The following PTPRR variants were observed in gnomAD, a reference collection of about 807,000 sequenced individuals.
PTPRR encodes the protein protein tyrosine phosphatase receptor type R, also known as receptor-type tyrosine-protein phosphatase R.
In PTPRR, 38 loss-of-function variants were observed where a neutral mutation model predicts 77.2. That is an observed-to-expected ratio of 0.49 (90% CI 0.38 to 0.65). The LOEUF (loss-of-function observed/expected upper bound fraction) is 0.65. Among genes scored for constraint, PTPRR ranks in the 30% least tolerant of loss-of-function variants. The pLI is 0.00. For synonymous variants in PTPRR, 299 were observed against 283.1 expected, an observed-to-expected ratio of 1.06 and a Z score of -0.57; for missense variants, 744 against 799.2, an observed-to-expected ratio of 0.93 and a Z score of 0.83.
At position 70,881,695 on chromosome 12, in the gene PTPRR, T is replaced by A. The variant is rs866868810; in HGVS notation, c.357+10984A>T. Among the ~76,000 whole-genome samples, 24 of 152,316 alleles carry A rather than the reference T, an allele frequency of 1.6e-4. No homozygotes were observed. In the Middle Eastern group the frequency reaches 0.01, roughly 65 times the overall value. ...AGATATGAATATTGGCTGGATTATA[T>A]TTTCATCCTTCAAAAACAAAATTTA... is the stretch of plus-strand genomic sequence containing the variant. On this transcript the variant is annotated intron_variant, in intron 2 of 13. Transcript: ENST00000283228.
chr12:70,890,025 T>C (rs1476579292), intron 2 of PTPRR, among the ~76,000 whole-genome samples: 2 of 152,280 alleles, frequency 1.3e-5, no homozygotes, highest in South Asian at 2.1e-4. Context: ...ATTCCACCAT[T>C]TTCACTTGCA....
rs1890692973 is a variant in PTPRR at position 70,761,604 on chromosome 12, A to G, written c.494T>C (p.Leu165Pro). 6.3e-7 allele frequency: 1 copy of G among 1,595,470 alleles called. No individual in the cohort carries two copies. Among genetic ancestry groups the G allele is most frequent in the Non-Finnish European group, 8.5e-7 (1 of 1,172,084 alleles). Residue 165 changes from leucine to proline, a missense_variant, in exon 4 of 14, where the codon CTG (leucine) becomes CCG (proline). Transcript: ENST00000283228. ...TTTTCGGTTTATGGGAGACACAAAC[A>G]GTTCAATACTGTTCTTCTTTCCCTA... ...RLIGKKNSIE[L>P]FVSPINRKTG...
At chr12:70,694,362 G>T (rs1888156538) in intron 8 of PTPRR, among the ~76,000 whole-genome samples, 1 of 151,904 alleles carries the variant, frequency 6.6e-6, no homozygotes, top group Admixed American at 6.6e-5. Flanking sequence ...TATTATTATA[G>T]TGCAGCACTA....
rs143271127 is a variant in PTPRR, at chr12:70,848,928, A to G, written c.357+43751T>C. ...TTGGGAATTATTAAAGTTTTCACAA[A>G]TAATTTTTTAATATAGATAATTTCT... On this transcript the variant is annotated intron_variant, in intron 2 of 13. Transcript: ENST00000283228. Among the ~76,000 whole-genome samples the G allele has an allele frequency of 7.4e-3, 1,122 of 152,340 alleles. 6 individuals are homozygous for G. Among genetic ancestry groups the G allele is most frequent in the Non-Finnish European group, 0.011 (769 of 68,030 alleles).
chr12:70,737,390 T>C (rs1889897470), intron 6 of PTPRR, among the ~76,000 whole-genome samples: 2 of 152,048 alleles, frequency 1.3e-5, no homozygotes, highest in African/African-American at 4.8e-5. Flanking sequence ...TTACAGAACC[T>C]CACCAAAGAC....
intron 1 of PTPRR, among the ~76,000 whole-genome samples, chr12:70,901,870 A>G (rs1157075146): frequency 6.6e-6 from 1 of 151,722 alleles, no homozygotes; most frequent in African/African-American, 2.4e-5. Flanking sequence ...AATCTATTCT[A>G]TTTTTAGTTT....
intron 2 of PTPRR, among the ~76,000 whole-genome samples, chr12:70,867,120 A>C (rs1191217902): frequency 6.7e-6 from 1 of 149,714 alleles, no homozygotes; most frequent in East Asian, 2.0e-4. Context: ...TTCCCTTTGA[A>C]AACTGGCACA....
chr12:70,888,018 A>ATGGGTGTGTGTGTC (rs1555183042), intron 2 of PTPRR, among the ~76,000 whole-genome samples: 1 of 150,868 alleles, frequency 6.6e-6, no homozygotes, highest in Admixed American at 6.6e-5. Flanking sequence ...GAATGTGTGT[A>ATGGGTGTGTGTGTC]TGTGTGTGTG....
chr12:70,728,857 T>C (rs1331513743), intron 6 of PTPRR, among the ~76,000 whole-genome samples: 1 of 152,068 alleles, frequency 6.6e-6, no homozygotes, highest in Non-Finnish European at 1.5e-5. Context: ...GTAATGAATA[T>C]GGCTATAGGA....
intron 13 of PTPRR, 111 bp from the exon 14 acceptor site, chr12:70,639,388 C>A: frequency 7.1e-7 from 1 of 1,411,406 alleles, no homozygotes; most frequent in Non-Finnish European, 9.6e-7. Context: ...ATAGAACAGT[C>A]GACCTAGTGG....
chr12:70,722,389 C>T (rs1483025459), intron 6 of PTPRR, among the ~76,000 whole-genome samples: 1 of 152,124 alleles, frequency 6.6e-6, no homozygotes, highest in Non-Finnish European at 1.5e-5. Flanking sequence ...TGTCACTAGA[C>T]CTGATAAAAT....
chr12:70,882,890 T>G (rs7956564), intron 2 of PTPRR, among the ~76,000 whole-genome samples: 18,530 of 152,234 alleles, frequency 0.12, 2,097 homozygotes, highest in African/African-American at 0.3. Flanking sequence ...TGTTCACTAT[T>G]CACTAGGTGA....
chr12:70,804,685 T>C (rs573373489), intron 2 of PTPRR, among the ~76,000 whole-genome samples: 3 of 152,272 alleles, frequency 2.0e-5, no homozygotes, highest in Non-Finnish European at 4.4e-5. Flanking sequence ...CACAAGAAGT[T>C]AAGGACAGAA....
intron 6 of PTPRR, among the ~76,000 whole-genome samples, chr12:70,742,822 C>T (rs1314462416): frequency 1.3e-5 from 2 of 151,582 alleles, no homozygotes; most frequent in African/African-American, 2.4e-5. Flanking sequence ...TCATAATGTT[C>T]GGCTATATGG....
At chr12:70,838,864 C>T (rs921858746) in intron 2 of PTPRR, among the ~76,000 whole-genome samples, 10 of 152,044 alleles carry the variant, frequency 6.6e-5, no homozygotes, top group Non-Finnish European at 8.8e-5. Context: ...CTCTGTGGAC[C>T]CAGATTGCTA....
intron 10 of PTPRR, among the ~76,000 whole-genome samples, chr12:70,677,537 T>C (rs1440877724): frequency 2.6e-5 from 4 of 152,054 alleles, no homozygotes; most frequent in South Asian, 2.1e-4. Flanking sequence ...ATGATGTTTG[T>C]TGTGGGCTTG....
At chr12:70,695,054 T>C (rs561994351) in intron 8 of PTPRR, among the ~76,000 whole-genome samples, 1 of 152,302 alleles carries the variant, frequency 6.6e-6, no homozygotes, top group South Asian at 2.1e-4. Context: ...TCAGCCAAGA[T>C]AACACTGTCA....
rs61539990 is a variant in PTPRR, at chr12:70,821,213, CTTTTTTTTTTTT to C, written c.358-56447_358-56436del. Among the ~76,000 whole-genome samples the C allele has an allele frequency of 4.6e-3, 146 of 31,992 alleles. 5 individuals carry two copies. The highest frequency in any genetic ancestry group is 7.9e-3 in the Non-Finnish European group (129 of 16,360). 21.0% of individuals were successfully genotyped at this position (31,992 alleles called of 152,430 possible). On this transcript the variant is annotated intron_variant, in intron 2 of 13. Coordinates refer to ENST00000283228, the MANE Select transcript of PTPRR (RefSeq NM_002849.4). ...CAAAACATGTTGAAAGGGATCACTGCTTTTTTTTTTTTTTTTTTTTTTTTTTTTTAGGACAGA... is the reference window on the plus strand; with the variant it reads ...CAAAACATGTTGAAAGGGATCACTGCTTTTTTTTTTTTTTTTTAGGACAGA...
rs1416916840 is a variant in PTPRR at position 70,668,110 on chromosome 12, T to C, written c.1498-5505A>G. Among the ~76,000 whole-genome samples the C allele has an allele frequency of 2.0e-5, 3 of 152,190 alleles. No homozygotes were observed. The East Asian group carries it at 5.8e-4, about 29-fold the overall frequency. On this transcript the variant is annotated intron_variant, in intron 10 of 13. Transcript: ENST00000283228. ...AACCTTGAATGTAAGCAATCATACA[T>C]ACCACTTTCTGGATGCAATCACTTC...
Sources: allele counts gnomAD v4.1 joint callset (sites outside exome capture counted in the v4.1 genomes callset), GRCh38; gene constraint gnomAD v4.1.1; transcripts MANE v1.5; gene names NCBI Gene and HGNC (gene_info 2026-07-23, HGNC 2026-07-21).